ZDHHC20: variants seen among roughly 807,000 people sequenced by gnomAD.
ZDHHC20 encodes the protein zDHHC palmitoyltransferase 20.
ZDHHC20 carries 43 observed loss-of-function variants against 57.8 expected under a neutral mutation model. The observed-to-expected ratio is 0.74, with a 90% confidence interval of 0.58 to 0.96. The LOEUF (loss-of-function observed/expected upper bound fraction) is 0.96, where lower values mean the gene tolerates loss of function less well. Among genes scored for constraint, ZDHHC20 ranks in the 40% least tolerant of loss-of-function variants. The pLI, the probability that ZDHHC20 is intolerant of heterozygous loss-of-function variation, is 0.00. For synonymous variants in ZDHHC20, 157 were observed against 153.0 expected (o/e 1.03, Z -0.19); for missense variants, 391 against 441.1 (o/e 0.89, Z 1.02).
Position 21,448,437 on chromosome 13 carries a change from G to A in ZDHHC20, c.118+10617C>T, listed in dbSNP as rs1276772304. 1.4e-3 allele frequency among the ~76,000 whole-genome samples: 144 copies of A among 99,872 alleles called. 8 individuals are homozygous for A. The highest frequency in any genetic ancestry group is 0.011 in the Admixed American group (113 of 10,078). 65.5% of individuals were successfully genotyped at this position (99,872 alleles called of 152,430 possible). A position where few individuals can be genotyped will look rare whatever the true frequency, so the allele number is the denominator to read the frequency against. ...AGGTGGGGGGGTCAGCCCCCCGCCCGGCCAGCCGCCCCGTCCGGGAAGGAG... is the reference window on the plus strand; with the variant it reads ...AGGTGGGGGGGTCAGCCCCCCGCCCAGCCAGCCGCCCCGTCCGGGAAGGAG... On this transcript the variant is annotated intron_variant, in intron 1 of 12. Coordinates refer to ENST00000400590, the MANE Select transcript of ZDHHC20 (RefSeq NM_001330059.2).
chr13:21,437,695 A>AT lies in ZDHHC20; in HGVS notation c.119-12018dup, dbSNP rs36073800. Among the ~76,000 whole-genome samples the AT allele has an allele frequency of 8.0e-3, 1,182 of 148,056 alleles. 19 individuals are homozygous for AT. The highest frequency in any genetic ancestry group is 0.026 in the African/African-American group (1,066 of 40,338). On this transcript the variant is annotated intron_variant, in intron 1 of 12. Transcript: ENST00000400590. ...ATCTGTTTACAGTATGCTTTACTGA[A>AT]TTTTTTTTTTTTTTGAGATGGAGTC... is the stretch of plus-strand genomic sequence containing the variant.
At chr13:21,417,471 C>T (rs1370091697) in intron 3 of ZDHHC20, among the ~76,000 whole-genome samples, 1 of 152,048 alleles carries the variant, frequency 6.6e-6, no homozygotes, top group African/African-American at 2.4e-5. Context: ...CAGAGTTTCA[C>T]TCTTGTTGCC....
intron 10 of ZDHHC20, chr13:21,382,005 C>CAGGG (rs1224491278): frequency 2.0e-6 from 1 of 488,738 alleles, no homozygotes; most frequent in Non-Finnish European, 4.1e-6. Flanking sequence ...CTAAAAGATC[C>CAGGG]AGGGAGGGAG....
chr13:21,416,532 A>G lies in ZDHHC20; in HGVS notation c.250-2760T>C, dbSNP rs192636012. ...AAAACAACCATTGCCTTCAAAAAGTATATTTCTATAGTCTAGTAAGAGAGC... is the reference window on the plus strand; with the variant it reads ...AAAACAACCATTGCCTTCAAAAAGTGTATTTCTATAGTCTAGTAAGAGAGC... On this transcript the variant is annotated intron_variant, in intron 3 of 12. Coordinates refer to ENST00000400590, the MANE Select transcript of ZDHHC20 (RefSeq NM_001330059.2). Among the ~76,000 whole-genome samples the G allele has an allele frequency of 2.4e-3, 368 of 152,328 alleles. 1 individual carries two copies. The highest frequency in any genetic ancestry group is 4.2e-3 in the Admixed American group (64 of 15,300).
chr13:21,412,696 C>T (rs79290679), intron 4 of ZDHHC20, among the ~76,000 whole-genome samples: 1 of 151,946 alleles, frequency 6.6e-6, no homozygotes, highest in Non-Finnish European at 1.5e-5. Context: ...AGGCCAGACA[C>T]GGTGGCTCAC....
rs771262084 is a variant in ZDHHC20, at chr13:21,459,073, G to C, written c.99C>G (p.Tyr33Ter). 6.2e-7 allele frequency: 1 copy of C among 1,604,344 alleles called. No homozygotes were observed. Among genetic ancestry groups the C allele is most frequent in the South Asian group, 1.1e-5 (1 of 89,800 alleles). The part of the protein sequence containing the change: ...TFVVVWSYYA[Y>*]VVELCVFTIF... The stretch of plus-strand genomic sequence containing the variant: ...ACTCACACACGCAGAGCTCCACCAC[G>C]TACGCGTAGTAGGACCAGACGACCA... The change falls in exon 1 of 13, where the codon TAC becomes TAG. Residue 33 changes from tyrosine to a stop codon, truncating the protein, a stop_gained. Coordinates refer to ENST00000400590, the MANE Select transcript of ZDHHC20 (RefSeq NM_001330059.2). LOFTEE classifies it high-confidence loss of function.
At chr13:21,446,164 C>T (rs946027616) in intron 1 of ZDHHC20, among the ~76,000 whole-genome samples, 1 of 152,156 alleles carries the variant, frequency 6.6e-6, no homozygotes, top group Non-Finnish European at 1.5e-5. Flanking sequence ...TCAGAGGGTG[C>T]TGAGCAGAGG....
chr13:21,440,068 G>GAAAAAAAA (rs376263181), intron 1 of ZDHHC20, among the ~76,000 whole-genome samples: 26 of 89,788 alleles, frequency 2.9e-4, no homozygotes, highest in African/African-American at 9.6e-4. Context: ...CTGTTTCTCA[G>GAAAAAAAA]AAAAAAAAAA....
At chr13:21,404,656 A>C (rs1452884780) in intron 4 of ZDHHC20, among the ~76,000 whole-genome samples, 3 of 151,766 alleles carry the variant, frequency 2.0e-5, no homozygotes, top group Non-Finnish European at 4.4e-5. Context: ...CGGGAGGCTG[A>C]GGCAGGAGAA....
intron 3 of ZDHHC20, among the ~76,000 whole-genome samples, chr13:21,416,810 A>G (rs1464552508): frequency 6.6e-6 from 1 of 152,212 alleles, no homozygotes. Context: ...ATTCAGCTCA[A>G]TACACTGCTT....
intron 1 of ZDHHC20, among the ~76,000 whole-genome samples, chr13:21,439,797 T>C (rs986446338): frequency 6.6e-6 from 1 of 152,052 alleles, no homozygotes; most frequent in Admixed American, 6.6e-5. Context: ...CCAGGCGCGG[T>C]GGCTCATGCC....
intron 8 of ZDHHC20, 47 bp from the exon 9 acceptor site, chr13:21,387,681 T>G: frequency 8.3e-7 from 1 of 1,204,954 alleles, no homozygotes; most frequent in Non-Finnish European, 1.1e-6. Context: ...TATTTAAAAA[T>G]TATAGGAGGG....
intron 7 of ZDHHC20, among the ~76,000 whole-genome samples, chr13:21,395,065 CTT>C (rs1876524558): frequency 1.1e-5 from 1 of 93,736 alleles, no homozygotes; most frequent in South Asian, 4.6e-4. Context: ...AGTTTAAATT[CTT>C]TCTTTTTTTT....
chr13:21,443,322 T>A (rs901431487), intron 1 of ZDHHC20, among the ~76,000 whole-genome samples: 1 of 152,218 alleles, frequency 6.6e-6, no homozygotes, highest in East Asian at 1.9e-4. Context: ...TCCACCAGAT[T>A]ACAGACCTGT....
At chr13:21,448,582 C>T (rs1281208743) in intron 1 of ZDHHC20, among the ~76,000 whole-genome samples, 4 of 84,786 alleles carry the variant, frequency 4.7e-5, no homozygotes, top group South Asian at 3.6e-4. Flanking sequence ...CCGCCCCGTC[C>T]GGGAGGGAGG....
intron 1 of ZDHHC20, among the ~76,000 whole-genome samples, chr13:21,446,660 A>G (rs1377910631): frequency 2.6e-5 from 4 of 152,212 alleles, no homozygotes; most frequent in South Asian, 2.1e-4. Flanking sequence ...ATTCTTTATT[A>G]TATCAGTCAT....
intron 1 of ZDHHC20, among the ~76,000 whole-genome samples, chr13:21,440,068 G>GAAAAAAAAA (rs376263181): frequency 1.0e-4 from 9 of 89,788 alleles, no homozygotes; most frequent in South Asian, 4.6e-4. Context: ...CTGTTTCTCA[G>GAAAAAAAAA]AAAAAAAAAA....
intron 7 of ZDHHC20, among the ~76,000 whole-genome samples, chr13:21,398,824 CAG>C (rs1302998488): frequency 3.9e-5 from 6 of 152,094 alleles, no homozygotes; most frequent in Non-Finnish European, 8.8e-5. Flanking sequence ...CAACTGGAAA[CAG>C]GGGAATGGGC....
intron 1 of ZDHHC20, among the ~76,000 whole-genome samples, chr13:21,449,889 C>T (rs1403795427): frequency 6.6e-6 from 1 of 152,068 alleles, no homozygotes; most frequent in Non-Finnish European, 1.5e-5. Flanking sequence ...ACCTCGGCCT[C>T]CCAAAATGCT....
Sources: gnomAD v4.1 joint callset for allele counts (sites outside exome capture counted in the v4.1 genomes callset) on GRCh38, gnomAD v4.1.1 for gene constraint, MANE v1.5 for transcripts, NCBI Gene and HGNC (gene_info 2026-07-23, HGNC 2026-07-21) for gene names.